The following CDNF variants were observed in gnomAD, a reference collection of about 807,000 sequenced individuals.
CDNF encodes the protein cerebral dopamine neurotrophic factor, also known as ARMET-like protein 1.
CDNF carries 9 observed loss-of-function variants against 14.8 expected under a neutral mutation model. The ratio of observed to expected loss-of-function variants is 0.61; its 90% CI spans 0.37 to 1.06. The LOEUF (loss-of-function observed/expected upper bound fraction) is 1.06, where lower values mean the gene tolerates loss of function less well. CDNF is among the 50% of genes least tolerant of loss of function. The pLI is 0.01. For synonymous variants in CDNF, 86 were observed against 87.2 expected, an observed-to-expected ratio of 0.99 and a Z score of 0.07; for missense variants, 228 against 228.4, an observed-to-expected ratio of 1.00 and a Z score of 0.01.
intron 1 of CDNF, among the ~76,000 whole-genome samples, chr10:14,831,288 G>T (rs1833841301): frequency 2.6e-5 from 4 of 152,070 alleles, no homozygotes; most frequent in Admixed American, 2.6e-4. Flanking sequence ...CCCAGGTAAA[G>T]CCAGCTTCAG....
chr10:14,821,249 C>T (rs752385189), intron 3 of CDNF, among the ~76,000 whole-genome samples: 39 of 152,236 alleles, frequency 2.6e-4, no homozygotes, highest in Non-Finnish European at 4.1e-4. Context: ...CTCAGCCTCC[C>T]AAGTAGCTGG....
At chr10:14,821,610 T>A (rs1255562174) in intron 3 of CDNF, among the ~76,000 whole-genome samples, 1 of 152,184 alleles carries the variant, frequency 6.6e-6, no homozygotes, top group Non-Finnish European at 1.5e-5. Flanking sequence ...CCTGCACAGG[T>A]ACTGAAGGAC....
At chr10:14,832,852 C>CTTTTT (rs918887413) in intron 1 of CDNF, among the ~76,000 whole-genome samples, 35 of 80,492 alleles carry the variant, frequency 4.3e-4, no homozygotes, top group African/African-American at 5.5e-4. Context: ...TCTTTTTTTG[C>CTTTTT]TTTTTTTTTT....
intron 1 of CDNF, among the ~76,000 whole-genome samples, chr10:14,836,927 C>CAAAACA (rs1381417387): frequency 2.0e-5 from 3 of 152,014 alleles, no homozygotes; most frequent in Non-Finnish European, 2.9e-5. Flanking sequence ...GAGACTGTCT[C>CAAAACA]AAAACAAAAA....
At chr10:14,827,052 CAAAAAAAAAAAAAAA>C (rs34308438) in intron 2 of CDNF, among the ~76,000 whole-genome samples, 1 of 74,676 alleles carries the variant, frequency 1.3e-5, no homozygotes, top group Non-Finnish European at 2.6e-5. Flanking sequence ...CCCGTCTCTA[CAAAAAAAAAAAAAAA>C]AAAAAAAAAA....
At chr10:14,836,977 A>G (rs893024270) in intron 1 of CDNF, among the ~76,000 whole-genome samples, 15 of 152,228 alleles carry the variant, frequency 9.9e-5, no homozygotes, top group Middle Eastern at 3.4e-3. Context: ...ACAAAAACAC[A>G]ACTTTAGTAC....
intron 1 of CDNF, among the ~76,000 whole-genome samples, chr10:14,836,959 C>T (rs1833894195): frequency 6.6e-6 from 1 of 151,974 alleles, no homozygotes; most frequent in Non-Finnish European, 1.5e-5. Flanking sequence ...AACAAAACAA[C>T]AAAACAAACA....
intron 1 of CDNF, among the ~76,000 whole-genome samples, chr10:14,832,075 G>A (rs1034058982): frequency 6.6e-6 from 1 of 152,166 alleles, no homozygotes; most frequent in African/African-American, 2.4e-5. Context: ...ACGTAGCAAA[G>A]AAGAAAAATA....
intron 3 of CDNF, among the ~76,000 whole-genome samples, chr10:14,824,124 G>A (rs1210053918): frequency 1.3e-5 from 2 of 152,176 alleles, no homozygotes; most frequent in Non-Finnish European, 2.9e-5. Context: ...GGTATGTAAT[G>A]CATGCAAAAC....
chr10:14,832,072 A>G (rs1477010015), intron 1 of CDNF, among the ~76,000 whole-genome samples: 1 of 152,244 alleles, frequency 6.6e-6, no homozygotes, highest in African/African-American at 2.4e-5. Flanking sequence ...TATACGTAGC[A>G]AAGAAGAAAA....
intron 1 of CDNF, among the ~76,000 whole-genome samples, chr10:14,830,010 C>A (rs953121728): frequency 3.3e-5 from 5 of 152,108 alleles, no homozygotes; most frequent in Non-Finnish European, 7.3e-5. Context: ...TTGCGCCACA[C>A]GATACTCATA....
intron 3 of CDNF, 56 bp downstream of exon 3, chr10:14,825,423 T>G: frequency 6.5e-7 from 1 of 1,548,186 alleles, no homozygotes; most frequent in Non-Finnish European, 8.8e-7. Context: ...GGCCCCAACT[T>G]TAGAGGTTTG....
At chr10:14,834,616 A>C (rs1278419932) in intron 1 of CDNF, among the ~76,000 whole-genome samples, 2 of 152,214 alleles carry the variant, frequency 1.3e-5, no homozygotes, top group Non-Finnish European at 2.9e-5. Context: ...ATATATGCAT[A>C]CATTTCTTCA....
intron 3 of CDNF, among the ~76,000 whole-genome samples, chr10:14,823,894 A>G (rs1458497327): frequency 6.6e-6 from 1 of 152,212 alleles, no homozygotes; most frequent in East Asian, 1.9e-4. Flanking sequence ...GGAAGCCAAT[A>G]AAAAAGGGAT....
chr10:14,820,921 G>T (rs1346980588), intron 3 of CDNF, among the ~76,000 whole-genome samples: 1 of 151,602 alleles, frequency 6.6e-6, no homozygotes, highest in African/African-American at 2.4e-5. Context: ...GTTCATGAGG[G>T]ATCTGGTTGT....
intron 3 of CDNF, among the ~76,000 whole-genome samples, chr10:14,823,377 G>T (rs898876337): frequency 2.0e-5 from 3 of 152,110 alleles, no homozygotes; most frequent in Non-Finnish European, 2.9e-5. Context: ...CAAAACATTA[G>T]GTAGTCATTT....
intron 1 of CDNF, chr10:14,834,213 G>C (rs955147311): frequency 2.6e-5 from 4 of 152,000 alleles, no homozygotes; most frequent in African/African-American, 4.8e-5. Context: ...GTAATGACAA[G>C]CACCTGTAGT....
chr10:14,825,734 C>A, intron 2 of CDNF, 114 bp from the exon 3 acceptor site: 4 of 1,151,468 alleles, frequency 3.5e-6, no homozygotes, highest in Non-Finnish European at 5.0e-6. Context: ...CATGGTGGCT[C>A]ACGCCTGTAA....
intron 1 of CDNF, among the ~76,000 whole-genome samples, chr10:14,830,945 G>A (rs1022919472): frequency 5.3e-5 from 8 of 152,168 alleles, no homozygotes; most frequent in East Asian, 1.9e-4. Context: ...TTATCAGTTC[G>A]AGATGTTTCA....
Sources: allele counts gnomAD v4.1 joint callset (sites outside exome capture counted in the v4.1 genomes callset), GRCh38; gene constraint gnomAD v4.1.1; transcripts MANE v1.5; gene names NCBI Gene and HGNC (gene_info 2026-07-23, HGNC 2026-07-21).